Variants in ESRRB observed in about 807,000 individuals in gnomAD.
ESRRB encodes steroid hormone receptor ERR2.
A neutral mutation model predicts 46.0 loss-of-function variants in ESRRB; 16 were observed. The observed-to-expected ratio is 0.35, with a 90% CI of 0.24 to 0.53. The LOEUF is 0.53. Among genes scored for constraint, ESRRB ranks in the 20% least tolerant of loss-of-function variants. The probability of loss-of-function intolerance (pLI) is 0.93; values close to 1 mark genes in which losing one functional copy is unlikely to be tolerated. For synonymous variants in ESRRB, 246 were observed against 259.6 expected, an observed-to-expected ratio of 0.95 and a Z score of 0.50; for missense variants, 488 against 607.4, an observed-to-expected ratio of 0.80 and a Z score of 2.07.
intron 6 of ESRRB, among the ~76,000 whole-genome samples, chr14:76,497,075 C>A (rs1007121100): frequency 6.6e-6 from 1 of 151,986 alleles, no homozygotes; most frequent in Non-Finnish European, 1.5e-5. Context: ...ATGGAGAGGG[C>A]GGGGAGAGGG....
chr14:76,371,142 G>A (rs527866715), upstream of ESRRB, among the ~76,000 whole-genome samples: 33 of 152,280 alleles, frequency 2.2e-4, no homozygotes, highest in African/African-American at 7.0e-4. Flanking sequence ...GCCCATTACG[G>A]CTTCAGGAAA....
chr14:76,340,524 C>T (rs1282485574), intron 1 of ESRRB, among the ~76,000 whole-genome samples: 1 of 152,156 alleles, frequency 6.6e-6, no homozygotes, highest in African/African-American at 2.4e-5. Context: ...ACTTCACTGC[C>T]ACATGGAGAC....
chr14:76,431,557 G>A (rs1017276629), intron 1 of ESRRB, among the ~76,000 whole-genome samples: 3 of 152,154 alleles, frequency 2.0e-5, no homozygotes, highest in African/African-American at 4.8e-5. Context: ...AGGGTCCCAC[G>A]CTGGCTACTG....
Position 76,413,370 on chromosome 14 carries a change from A to G in ESRRB, c.51-25971A>G, listed in dbSNP as rs537384265. On this transcript the variant is annotated intron_variant, in intron 1 of 6. Coordinates refer to ENST00000644823, the MANE Select transcript of ESRRB (RefSeq NM_001379180.1). ...ACCTGTGTCCCGGACTTCCCACACC[A>G]ACTCCAGTTCCTTGGCTGTATACTG... 2.6e-5 allele frequency among the ~76,000 whole-genome samples: 4 copies of G among 152,084 alleles called. No homozygotes were observed. In the South Asian group the frequency reaches 8.3e-4, roughly 32 times the overall value.
chr14:76,418,217 A>C (rs1886793159), intron 1 of ESRRB, among the ~76,000 whole-genome samples: 1 of 151,960 alleles, frequency 6.6e-6, no homozygotes, highest in African/African-American at 2.4e-5. Flanking sequence ...AACCTCCCAA[A>C]GTGCTGAGAT....
intron 1 of ESRRB, among the ~76,000 whole-genome samples, chr14:76,412,578 C>A (rs1886489924): frequency 6.6e-6 from 1 of 152,154 alleles, no homozygotes; most frequent in Admixed American, 6.5e-5. Context: ...TTCACCAGAT[C>A]GTCATGCCAA....
chr14:76,423,141 C>T (rs920102421), intron 1 of ESRRB, among the ~76,000 whole-genome samples: 2 of 143,508 alleles, frequency 1.4e-5, no homozygotes, highest in African/African-American at 2.6e-5. Context: ...TCTTTCATAA[C>T]CTTTTTTTTT....
At chr14:76,385,079 T>C (rs1463776310) in intron 1 of ESRRB, among the ~76,000 whole-genome samples, 2 of 152,322 alleles carry the variant, frequency 1.3e-5, no homozygotes, top group Non-Finnish European at 2.9e-5. Context: ...TCTCATTTCC[T>C]TTTTTGTATA....
At chr14:76,419,648 G>C (rs1422308569) in intron 1 of ESRRB, among the ~76,000 whole-genome samples, 1 of 152,170 alleles carries the variant, frequency 6.6e-6, no homozygotes, top group Non-Finnish European at 1.5e-5. Flanking sequence ...ATGGCGGGGA[G>C]GTTGTGACAA....
chr14:76,384,108 C>T (rs533399805), intron 1 of ESRRB, among the ~76,000 whole-genome samples: 72 of 152,164 alleles, frequency 4.7e-4, no homozygotes, highest in African/African-American at 1.6e-3. Context: ...AAAACATTTC[C>T]TTTTGATGGT....
chr14:76,366,541 C>A (rs149090552), upstream of ESRRB, among the ~76,000 whole-genome samples: 1,072 of 152,326 alleles, frequency 7.0e-3, 16 homozygotes, highest in African/African-American at 0.024. Context: ...GCTACCGTCA[C>A]TTGACCCTCC....
intron 1 of ESRRB, among the ~76,000 whole-genome samples, chr14:76,311,146 C>G (rs1883728416): frequency 6.6e-6 from 1 of 152,090 alleles, no homozygotes; most frequent in Admixed American, 6.6e-5. Flanking sequence ...CAGAGGGTCT[C>G]TGGATGGCTA....
chr14:76,415,086 G>C (rs995390775), intron 1 of ESRRB, among the ~76,000 whole-genome samples: 1 of 152,228 alleles, frequency 6.6e-6, no homozygotes, highest in Non-Finnish European at 1.5e-5. Context: ...CCAGACGTGA[G>C]CAAGTCAAGA....
intron 2 of ESRRB, among the ~76,000 whole-genome samples, chr14:76,440,565 C>T (rs534797191): frequency 5.5e-4 from 84 of 151,780 alleles, no homozygotes; most frequent in African/African-American, 1.9e-3. Context: ...TCATTCCTTC[C>T]TTCCTTCCTT....
chr14:76,323,660 G>A (rs1434714990), intron 1 of ESRRB, among the ~76,000 whole-genome samples: 1 of 152,186 alleles, frequency 6.6e-6, no homozygotes, highest in Non-Finnish European at 1.5e-5. Context: ...CTGGGGAGGG[G>A]AGGTGTGTTG....
upstream of ESRRB, among the ~76,000 whole-genome samples, chr14:76,370,891 C>CAT (rs1202987985): frequency 6.6e-6 from 1 of 152,158 alleles, no homozygotes; most frequent in Non-Finnish European, 1.5e-5. Context: ...TTTAATATAT[C>CAT]AATCAGCTGT....
intron 1 of ESRRB, among the ~76,000 whole-genome samples, chr14:76,315,166 G>A (rs1194198720): frequency 6.6e-6 from 1 of 151,982 alleles, no homozygotes; most frequent in African/African-American, 2.4e-5. Flanking sequence ...AGTCAAGGTG[G>A]CATCTATAAC....
At chr14:76,332,480 A>AATATATAAAT in intron 1 of ESRRB, among the ~76,000 whole-genome samples, 1 of 112,708 alleles carries the variant, frequency 8.9e-6, no homozygotes, top group African/African-American at 3.4e-5. Context: ...ATATATATAT[A>AATATATAAAT]ATATATAAAT....
intron 1 of ESRRB, among the ~76,000 whole-genome samples, chr14:76,326,034 G>A (rs560921051): frequency 2.6e-4 from 40 of 152,304 alleles, no homozygotes; most frequent in African/African-American, 7.9e-4. Flanking sequence ...AAGGCTAAGA[G>A]TAAAGCACCC....
Sources: gnomAD v4.1 joint callset for allele counts (sites outside exome capture counted in the v4.1 genomes callset) on GRCh38, gnomAD v4.1.1 for gene constraint, MANE v1.5 for transcripts, NCBI Gene and HGNC (gene_info 2026-07-23, HGNC 2026-07-21) for gene names.